JPH3: variants seen among roughly 807,000 people sequenced by gnomAD.
The protein encoded by JPH3 is junctophilin-3.
JPH3 carries 11 observed loss-of-function variants against 59.6 expected under a neutral mutation model. That is an observed-to-expected ratio of 0.18 (90% confidence interval 0.12 to 0.31). The LOEUF is 0.31. Ranked by LOEUF, JPH3 falls within the 10% of genes least tolerant of loss-of-function variation. JPH3 has a pLI of 1.00. For missense variants in JPH3, 1,202 were observed against 1,105.7 expected, an observed-to-expected ratio of 1.09 and a Z score of -1.24; for synonymous variants, 673 against 483.6, an observed-to-expected ratio of 1.39 and a Z score of -5.14.
chr16:87,659,391 A>AAAAAAAAAAAAAAAAC (rs1567603525), intron 2 of JPH3, among the ~76,000 whole-genome samples: 1 of 146,200 alleles, frequency 6.8e-6, no homozygotes, highest in African/African-American at 2.6e-5. Context: ...AAAAAAGAAA[A>AAAAAAAAAAAAAAAAC]AAAAAAAGAA....
chr16:87,695,046 T>C (rs1194814117), intron 4 of JPH3: 1 of 337,498 alleles, frequency 3.0e-6, no homozygotes, highest in African/African-American at 2.1e-5. Context: ...GAGGCTTGAC[T>C]TTGCCCTCTT....
intron 3 of JPH3, among the ~76,000 whole-genome samples, chr16:87,687,244 A>G (rs1021587512): frequency 1.1e-4 from 17 of 152,124 alleles, no homozygotes; most frequent in Non-Finnish European, 2.1e-4. Flanking sequence ...GAGGTCACCA[A>G]TGACAGATGA....
intron 1 of JPH3, among the ~76,000 whole-genome samples, chr16:87,631,974 T>G (rs1012998608): frequency 1.3e-5 from 2 of 152,238 alleles, no homozygotes; most frequent in East Asian, 3.8e-4. Context: ...CTGCATTTTC[T>G]GATTCCCCCT....
At chr16:87,659,252 C>G (rs749489941) in intron 2 of JPH3, among the ~76,000 whole-genome samples, 11 of 151,902 alleles carry the variant, frequency 7.2e-5, no homozygotes, top group Non-Finnish European at 1.3e-4. Flanking sequence ...TGGCAGGCAC[C>G]TGTAATCCCA....
chr16:87,673,088 G>C (rs1323894147), intron 2 of JPH3, among the ~76,000 whole-genome samples: 1 of 151,998 alleles, frequency 6.6e-6, no homozygotes, highest in Non-Finnish European at 1.5e-5. Context: ...GGAGGTTGCA[G>C]TGGGCCGAGA....
intron 2 of JPH3, among the ~76,000 whole-genome samples, chr16:87,677,630 T>C (rs940189047): frequency 6.6e-5 from 10 of 152,148 alleles, no homozygotes; most frequent in African/African-American, 1.9e-4. Context: ...GTGGACAGCG[T>C]GGCCCCCGTC....
At chr16:87,679,625 G>A (rs2033235228) in intron 2 of JPH3, among the ~76,000 whole-genome samples, 1 of 152,232 alleles carries the variant, frequency 6.6e-6, no homozygotes, top group African/African-American at 2.4e-5. Context: ...CAGTGGGTTG[G>A]GAAGCTGGTG....
chr16:87,608,951 C>A (rs1012554734), intron 1 of JPH3, among the ~76,000 whole-genome samples: 2 of 152,236 alleles, frequency 1.3e-5, no homozygotes, highest in African/African-American at 4.8e-5. Flanking sequence ...GTGAGAGGAT[C>A]GCTTGAGCCC....
At chr16:87,623,641 C>T (rs1177028675) in intron 1 of JPH3, among the ~76,000 whole-genome samples, 1 of 152,214 alleles carries the variant, frequency 6.6e-6, no homozygotes, top group East Asian at 1.9e-4. Context: ...GAGTTCCGGA[C>T]CCCCTCACCT....
chr16:87,654,020 T>C (rs1485682145), intron 2 of JPH3: 1 of 152,248 alleles, frequency 6.6e-6, no homozygotes, highest in African/African-American at 2.4e-5. Context: ...TGTGAGAGTC[T>C]CCAGGATGAA....
intron 2 of JPH3, among the ~76,000 whole-genome samples, chr16:87,658,913 G>A (rs1231279446): frequency 6.6e-6 from 1 of 152,214 alleles, no homozygotes; most frequent in East Asian, 1.9e-4. Flanking sequence ...GCCCAGCAGG[G>A]CAGCTTGACT....
chr16:87,659,754 T>C (rs937680612), intron 2 of JPH3, among the ~76,000 whole-genome samples: 31 of 152,006 alleles, frequency 2.0e-4, no homozygotes, highest in African/African-American at 7.0e-4. Flanking sequence ...GGATGATTTT[T>C]AACCATTTTT....
chr16:87,610,632 C>A (rs1416383073), intron 1 of JPH3, among the ~76,000 whole-genome samples: 5 of 152,158 alleles, frequency 3.3e-5, no homozygotes, highest in Non-Finnish European at 7.3e-5. Context: ...TTCCGTGAGA[C>A]CCTCATGTCC....
At chr16:87,605,846 A>G (rs1056544495) in intron 1 of JPH3, among the ~76,000 whole-genome samples, 10 of 152,158 alleles carry the variant, frequency 6.6e-5, no homozygotes, top group Admixed American at 3.3e-4. Context: ...GATTGTCAAC[A>G]TCCTCTCAAG....
chr16:87,629,239 G>A (rs1266424386), intron 1 of JPH3, among the ~76,000 whole-genome samples: 1 of 152,156 alleles, frequency 6.6e-6, no homozygotes, highest in African/African-American at 2.4e-5. Context: ...CGGCAGCTGG[G>A]GTTCCTGACT....
chr16:87,686,072 G>C (rs897305487), intron 3 of JPH3, among the ~76,000 whole-genome samples: 5 of 144,184 alleles, frequency 3.5e-5, no homozygotes, highest in Admixed American at 2.0e-4. Context: ...TGGCTGGAGG[G>C]TGGCTGGAGC....
intron 2 of JPH3, among the ~76,000 whole-genome samples, chr16:87,670,462 A>C (rs1269326727): frequency 6.6e-6 from 1 of 152,206 alleles, no homozygotes; most frequent in Non-Finnish European, 1.5e-5. Context: ...ACTGGGCACC[A>C]GGATCCAAGC....
intron 1 of JPH3, among the ~76,000 whole-genome samples, chr16:87,639,630 TCCTGGCCTCCCG>T (rs1187738163): frequency 1.2e-4 from 18 of 147,564 alleles, no homozygotes; most frequent in African/African-American, 4.2e-4. Flanking sequence ...CTGGCCTCCC[TCCTGGCCTCCCG>T]CCTGTCCTCC....
intron 2 of JPH3, among the ~76,000 whole-genome samples, chr16:87,658,351 T>TCC (rs2032577845): frequency 6.6e-6 from 1 of 152,098 alleles, no homozygotes; most frequent in Admixed American, 6.5e-5. Context: ...CCTCTCTCTC[T>TCC]CCTTCTCCCC....
Sources: allele counts gnomAD v4.1 joint callset (sites outside exome capture counted in the v4.1 genomes callset), GRCh38; gene constraint gnomAD v4.1.1; transcripts MANE v1.5; gene names NCBI Gene and HGNC (gene_info 2026-07-23, HGNC 2026-07-21).